STX8: variants seen among roughly 807,000 people sequenced by gnomAD.
STX8 encodes syntaxin 8, also known as syntaxin-8.
Under a neutral mutation model 37.5 loss-of-function variants are expected in STX8, and 23 were observed. The ratio of observed to expected loss-of-function variants is 0.61; its 90% confidence interval spans 0.44 to 0.87. STX8 has a LOEUF of 0.87. Among genes scored for constraint, STX8 ranks in the 40% least tolerant of loss-of-function variants. The probability of loss-of-function intolerance (pLI) is 0.00; values close to 1 mark genes in which losing one functional copy is unlikely to be tolerated. For missense variants in STX8, 313 were observed against 284.7 expected, an observed-to-expected ratio of 1.10 and a Z score of -0.71; for synonymous variants, 115 against 99.1, an observed-to-expected ratio of 1.16 and a Z score of -0.95.
At chr17:9,413,181 A>G (rs1913040052) in intron 6 of STX8, among the ~76,000 whole-genome samples, 1 of 152,240 alleles carries the variant, frequency 6.6e-6, no homozygotes, top group Non-Finnish European at 1.5e-5. Flanking sequence ...AAGACCGGCC[A>G]GGAGCAACAC....
intron 6 of STX8, among the ~76,000 whole-genome samples, chr17:9,487,088 G>A (rs1375276026): frequency 2.0e-5 from 3 of 152,118 alleles, no homozygotes; most frequent in African/African-American, 7.2e-5. Context: ...CTTGGTCACT[G>A]GCATAGGAAC....
intron 6 of STX8, among the ~76,000 whole-genome samples, chr17:9,460,374 A>T (rs370593974): frequency 9.9e-5 from 15 of 152,226 alleles, no homozygotes; most frequent in African/African-American, 3.1e-4. Flanking sequence ...ATATCTTTTT[A>T]AAAAATTACT....
At position 9,394,746 on chromosome 17, in the gene STX8, A is replaced by C. The variant is rs569955587; in HGVS notation, c.542-16093T>G. 8.6e-5 allele frequency among the ~76,000 whole-genome samples: 13 copies of C among 152,042 alleles called. No homozygotes were observed. The South Asian group carries it at 2.7e-3, about 32-fold the overall frequency. The stretch of plus-strand genomic sequence containing the variant: ...GCCAGATGCTAAGCCATTGTTTCTC[A>C]ATCTAGAGGCACAAACAGTTATAAA... On this transcript the variant is annotated intron_variant, in intron 6 of 7. Transcript: ENST00000306357.
At chr17:9,429,751 T>TAATA (rs1567556497) in intron 6 of STX8, among the ~76,000 whole-genome samples, 1 of 30,182 alleles carries the variant, frequency 3.3e-5, no homozygotes, top group Non-Finnish European at 5.7e-5. Flanking sequence ...ATTATATATA[T>TAATA]TATATTTTAT....
intron 7 of STX8, among the ~76,000 whole-genome samples, chr17:9,321,811 C>A (rs2142205290): frequency 6.6e-6 from 1 of 152,236 alleles, no homozygotes; most frequent in Non-Finnish European, 1.5e-5. Context: ...AGCCGCCATG[C>A]CCAGCATAAA....
chr17:9,502,643 A>G (rs1272979470), intron 5 of STX8, among the ~76,000 whole-genome samples: 1 of 152,224 alleles, frequency 6.6e-6, no homozygotes, highest in Non-Finnish European at 1.5e-5. Flanking sequence ...TATTTACCCC[A>G]GAAAAAATGC....
At chr17:9,538,450 G>A (rs763041908) in intron 4 of STX8, among the ~76,000 whole-genome samples, 3 of 152,098 alleles carry the variant, frequency 2.0e-5, no homozygotes, top group Non-Finnish European at 4.4e-5. Flanking sequence ...AACATTCAAC[G>A]GTTTCAAATG....
chr17:9,347,421 A>T, intron 7 of STX8, among the ~76,000 whole-genome samples: 1 of 152,264 alleles, frequency 6.6e-6, no homozygotes, highest in East Asian at 1.9e-4. Flanking sequence ...ATTGTAAAAT[A>T]CATAACAAAA....
At chr17:9,439,989 C>T (rs1904581572) in intron 6 of STX8, among the ~76,000 whole-genome samples, 2 of 152,028 alleles carry the variant, frequency 1.3e-5, no homozygotes, top group Admixed American at 1.3e-4. Flanking sequence ...AATTAAGTTC[C>T]TCTCCACATG....
At chr17:9,318,942 G>A (rs951669715) in intron 7 of STX8, among the ~76,000 whole-genome samples, 2 of 152,194 alleles carry the variant, frequency 1.3e-5, no homozygotes, top group Non-Finnish European at 2.9e-5. Context: ...TGCAGAGCCA[G>A]TGCGGATTGG....
At chr17:9,456,887 G>T (rs1905200050) in intron 6 of STX8, among the ~76,000 whole-genome samples, 1 of 152,070 alleles carries the variant, frequency 6.6e-6, no homozygotes, top group African/African-American at 2.4e-5. Flanking sequence ...GTGGATTCTG[G>T]GGTTTTTTTC....
intron 7 of STX8, among the ~76,000 whole-genome samples, chr17:9,296,115 G>A (rs372880710): frequency 3.2e-4 from 49 of 152,138 alleles, no homozygotes; most frequent in African/African-American, 1.1e-3. Flanking sequence ...GCGCGAACCC[G>A]GGAGGCGGAG....
At chr17:9,276,485 A>G (rs1475547046) in intron 7 of STX8, among the ~76,000 whole-genome samples, 2 of 152,118 alleles carry the variant, frequency 1.3e-5, no homozygotes, top group Non-Finnish European at 2.9e-5. Flanking sequence ...TCTAATTGTA[A>G]AATTTTGGGT....
At chr17:9,565,674 A>C (rs899615672) in intron 2 of STX8, among the ~76,000 whole-genome samples, 1 of 151,872 alleles carries the variant, frequency 6.6e-6, no homozygotes, top group Non-Finnish European at 1.5e-5. Flanking sequence ...CAACTATCCG[A>C]GCTTTGACAA....
chr17:9,265,739 G>A (rs1907211001), intron 7 of STX8, among the ~76,000 whole-genome samples: 1 of 152,170 alleles, frequency 6.6e-6, no homozygotes, highest in African/African-American at 2.4e-5. Flanking sequence ...TAGGCACTGG[G>A]GCTGCAACAA....
chr17:9,510,882 G>A (rs1435659594), intron 4 of STX8, among the ~76,000 whole-genome samples: 1 of 151,836 alleles, frequency 6.6e-6, no homozygotes, highest in Non-Finnish European at 1.5e-5. Context: ...AAGAAAAAAA[G>A]AGAGATGACT....
intron 7 of STX8, among the ~76,000 whole-genome samples, chr17:9,312,122 G>A (rs1909212306): frequency 6.6e-6 from 1 of 152,038 alleles, no homozygotes; most frequent in Admixed American, 6.6e-5. Flanking sequence ...TGGGATTACA[G>A]GTGTGAGCCA....
At chr17:9,490,278 T>C (rs1349864103) in intron 6 of STX8, among the ~76,000 whole-genome samples, 13 of 152,234 alleles carry the variant, frequency 8.5e-5, no homozygotes, top group African/African-American at 2.4e-5. Flanking sequence ...GGATGGAGAA[T>C]AGAAGTGTCT....
chr17:9,478,229 G>A (rs145000147), intron 6 of STX8, among the ~76,000 whole-genome samples: 4 of 152,228 alleles, frequency 2.6e-5, no homozygotes, highest in South Asian at 4.1e-4. Flanking sequence ...TCTGCTTCCC[G>A]GGTTCAAGTG....
Sources: allele counts gnomAD v4.1 joint callset (sites outside exome capture counted in the v4.1 genomes callset), GRCh38; gene constraint gnomAD v4.1.1; transcripts MANE v1.5; gene names NCBI Gene and HGNC (gene_info 2026-07-23, HGNC 2026-07-21).